Variants in ART3 observed in about 807,000 individuals in gnomAD.
ART3 encodes ecto-ADP-ribosyltransferase 3.
A neutral mutation model predicts 48.5 loss-of-function variants in ART3; 49 were observed. The observed-to-expected ratio is 1.01, with a 90% confidence interval of 0.80 to 1.28. The LOEUF (loss-of-function observed/expected upper bound fraction) is 1.28. Among genes scored for constraint, ART3 ranks in the 50% most tolerant of loss-of-function variants. The pLI is 0.00. For synonymous variants in ART3, 145 were observed against 157.2 expected, an observed-to-expected ratio of 0.92 and a Z score of 0.58; for missense variants, 438 against 454.3, an observed-to-expected ratio of 0.96 and a Z score of 0.33.
rs1280656285 is a variant in ART3 at position 76,027,570 on chromosome 4, C to T, written c.-10+16250C>T. On this transcript the variant is annotated intron_variant, in intron 1 of 9. Coordinates refer to the ART3 transcript ENST00000341029. ...TGTTAGGATTCTATAAAATCTGGTC[C>T]TCAGTTTTTCCAGTCCAGAAATTCT... 6.1e-5 allele frequency among the ~76,000 whole-genome samples: 6 copies of T among 98,266 alleles called. No homozygotes were observed. The East Asian group carries it at 3.2e-3, about 52-fold the overall frequency. 64.5% of individuals were successfully genotyped at this position (98,266 alleles called of 152,430 possible).
chr4:76,110,255 C>A (rs1184521704), intron 11 of ART3, among the ~76,000 whole-genome samples: 2 of 151,094 alleles, frequency 1.3e-5, no homozygotes, highest in Non-Finnish European at 2.9e-5. Context: ...CCATACAGTA[C>A]AACAACTACT....
chr4:76,076,091 G>A (rs1476031824), intron 2 of ART3, 133 bp downstream of exon 2: 8 of 725,598 alleles, frequency 1.1e-5, no homozygotes, highest in African/African-American at 3.8e-5. Flanking sequence ...TGCAAGCTCC[G>A]CCTCCCAGGT....
At chr4:76,048,179 G>A (rs1485419639) in intron 1 of ART3, among the ~76,000 whole-genome samples, 1 of 151,950 alleles carries the variant, frequency 6.6e-6, no homozygotes, top group Non-Finnish European at 1.5e-5. Context: ...CCTGTAGGAT[G>A]TAAATTGTAA....
intron 1 of ART3, among the ~76,000 whole-genome samples, chr4:76,013,683 A>G (rs1469116414): frequency 6.6e-6 from 1 of 152,218 alleles, no homozygotes; most frequent in African/African-American, 2.4e-5. Flanking sequence ...TTGAAACTGT[A>G]GGGACAAAGG....
chr4:76,047,343 C>T (rs1310641519), intron 1 of ART3, among the ~76,000 whole-genome samples: 2 of 152,006 alleles, frequency 1.3e-5, no homozygotes, highest in Non-Finnish European at 2.9e-5. Context: ...TTATAGGACA[C>T]CGAGGTTGCC....
intron 1 of ART3, among the ~76,000 whole-genome samples, chr4:76,024,296 CG>C (rs34090845): frequency 6.6e-6 from 1 of 151,350 alleles, no homozygotes; most frequent in African/African-American, 2.4e-5. Flanking sequence ...AATTTAAAAG[CG>C]GGGGGGCACG....
At position 76,103,997 on chromosome 4, in the gene ART3, A is replaced by T. The variant is rs760895620; in HGVS notation, c.970+28A>T. On this transcript the variant is annotated intron_variant, in intron 9 of 11. Transcript: ENST00000355810. ...AAGACAGCTTTCTATTTACTCCCTG[A>T]GCCCAAGAATGAGTTGAGCAGGATT... 1.2e-5 allele frequency: 19 copies of T among 1,608,492 alleles called. No individual in the cohort carries two copies. In the African/African-American group the frequency reaches 2.3e-4, roughly 19 times the overall value.
intron 1 of ART3, chr4:76,021,349 A>G (rs779036001): frequency 1.3e-5 from 2 of 152,538 alleles, no homozygotes; most frequent in East Asian, 1.9e-4. Flanking sequence ...TAGGAAATAT[A>G]TACATCTAAG....
rs535736990 is a variant in ART3 at position 76,112,740 on chromosome 4, G to A, written c.*221G>A. 217 of 419,656 alleles carry A rather than the reference G, an allele frequency of 5.2e-4. No homozygotes were observed. Among genetic ancestry groups the A allele is most frequent in the African/African-American group, 2.3e-3 (110 of 48,400 alleles). 26.0% of individuals were successfully genotyped at this position (419,656 alleles called of 1,614,324 possible). A position where few individuals can be genotyped will look rare whatever the true frequency, so the allele number is the denominator to read the frequency against. On this transcript the variant is annotated 3_prime_UTR_variant, in exon 12 of 12. Coordinates refer to ENST00000355810, the MANE Select transcript of ART3 (RefSeq NM_001130016.3). ...TACTCTTACAATGGAAAAAAATCCC[G>A]AAAACTGTATACTTCTGATTAAATT...
intron 2 of ART3, among the ~76,000 whole-genome samples, chr4:76,076,342 CTG>C (rs752715955): frequency 0.012 from 1,824 of 152,094 alleles, 21 homozygotes; most frequent in South Asian, 0.021. Flanking sequence ...CCTGAGGCAT[CTG>C]TGTGGCTTGA....
intron 2 of ART3, 70 bp from the exon 3 acceptor site, chr4:76,081,754 A>G (rs868427295): frequency 7.1e-7 from 1 of 1,399,864 alleles, no homozygotes; most frequent in African/African-American, 1.4e-5. Flanking sequence ...GGTGGGGGTA[A>G]TAATGTGAGA....
At chr4:76,090,928 C>G (rs1025504327) in intron 3 of ART3, among the ~76,000 whole-genome samples, 3 of 152,168 alleles carry the variant, frequency 2.0e-5, no homozygotes, top group African/African-American at 7.2e-5. Context: ...CCCAGTCCCC[C>G]CAGGCATCTA....
At chr4:76,081,422 A>G (rs1327538874) in intron 2 of ART3, among the ~76,000 whole-genome samples, 1 of 152,260 alleles carries the variant, frequency 6.6e-6, no homozygotes, top group Non-Finnish European at 1.5e-5. Context: ...GTTATAGATC[A>G]TGAATAATAT....
intron 4 of ART3, 42 bp downstream of exon 4, chr4:76,097,718 A>T: frequency 6.6e-7 from 1 of 1,505,130 alleles, no homozygotes; most frequent in Non-Finnish European, 9.2e-7. Context: ...TAGGAATTTT[A>T]TCAGTTACTT....
At chr4:76,078,142 C>T (rs1226477641) in intron 2 of ART3, among the ~76,000 whole-genome samples, 7 of 151,606 alleles carry the variant, frequency 4.6e-5, no homozygotes, top group Admixed American at 1.3e-4. Context: ...CCTTTTGTAC[C>T]TGTTTTTTAG....
chr4:76,073,136 C>T (rs60431104), upstream of ART3, among the ~76,000 whole-genome samples: 31,355 of 152,096 alleles, frequency 0.21, 5,499 homozygotes, highest in African/African-American at 0.48. Context: ...TTATCCATTT[C>T]GTTCACTGGT....
At chr4:76,105,200 T>C (rs1012133737) in intron 10 of ART3, among the ~76,000 whole-genome samples, 2 of 152,120 alleles carry the variant, frequency 1.3e-5, no homozygotes, top group African/African-American at 2.4e-5. Context: ...TAGTCCTGAG[T>C]TTGCACAGTG....
chr4:76,027,146 A>G (rs4859589), intron 1 of ART3, among the ~76,000 whole-genome samples: 92,951 of 151,986 alleles, frequency 0.61, 29,499 homozygotes, highest in East Asian at 0.94. Flanking sequence ...CCAGCTACAC[A>G]GGAGGCTGAG....
intron 1 of ART3, among the ~76,000 whole-genome samples, chr4:76,026,778 G>T (rs995414101): frequency 3.9e-5 from 6 of 152,240 alleles, no homozygotes; most frequent in South Asian, 2.1e-4. Context: ...ATATGGCCAT[G>T]GATGGTGTTA....
Sources: gnomAD v4.1 joint callset for allele counts (sites outside exome capture counted in the v4.1 genomes callset) on GRCh38, gnomAD v4.1.1 for gene constraint, MANE v1.5 for transcripts, NCBI Gene and HGNC (gene_info 2026-07-23, HGNC 2026-07-21) for gene names.